Variants in PTPRB observed in about 807,000 individuals in gnomAD.
The protein encoded by PTPRB is protein tyrosine phosphatase receptor type B.
PTPRB carries 97 observed loss-of-function variants against 238.1 expected under a neutral mutation model. The observed-to-expected ratio is 0.41, with a 90% CI of 0.35 to 0.48. The LOEUF (loss-of-function observed/expected upper bound fraction) is 0.48, where lower values mean the gene tolerates loss of function less well. Among genes scored for constraint, PTPRB ranks in the 20% least tolerant of loss-of-function variants. The pLI is 0.30. For missense variants in PTPRB, 2,292 were observed against 2,681.9 expected, an observed-to-expected ratio of 0.85 and a Z score of 3.21; for synonymous variants, 970 against 995.4, an observed-to-expected ratio of 0.97 and a Z score of 0.48.
At chr12:70,547,146 T>C (rs1317742547) in intron 21 of PTPRB, among the ~76,000 whole-genome samples, 2 of 152,220 alleles carry the variant, frequency 1.3e-5, no homozygotes, top group East Asian at 3.8e-4. Context: ...TTCTGACTTA[T>C]GCCCAGATCC....
chr12:70,573,270 T>C (rs373178706), intron 11 of PTPRB, among the ~76,000 whole-genome samples: 72 of 152,256 alleles, frequency 4.7e-4, no homozygotes, highest in African/African-American at 1.5e-3. Context: ...AATAAAACTA[T>C]GCAAGATGGA....
intron 3 of PTPRB, among the ~76,000 whole-genome samples, chr12:70,619,194 A>G (rs998696407): frequency 9.6e-5 from 10 of 104,256 alleles, no homozygotes; most frequent in African/African-American, 2.3e-4. Context: ...GTGTGTGTGT[A>G]TACTCTTCTT....
At position 70,601,316 on chromosome 12, in the gene PTPRB, G is replaced by A. The variant is rs139276239; in HGVS notation, c.980-4989C>T. On this transcript the variant is annotated intron_variant, in intron 4 of 33. Transcript: ENST00000334414. ...ACGCCCCGCCTCTTCCTTATTTTCC[G>A]TCTTTCCTCCATGATTGCCAAATAA... Among the ~76,000 whole-genome samples, 17 of 151,950 alleles carry A rather than the reference G, an allele frequency of 1.1e-4. No individual in the cohort carries two copies. In the East Asian group the frequency reaches 1.6e-3, roughly 14 times the overall value.
chr12:70,587,971 C>T (rs2136448631), intron 8 of PTPRB, among the ~76,000 whole-genome samples: 1 of 151,188 alleles, frequency 6.6e-6, no homozygotes, highest in East Asian at 2.0e-4. Context: ...CGTGGTGGCT[C>T]ACATCTGTAG....
chr12:70,592,682 A>ACAAGCAC, intron 6 of PTPRB, 137 bp from the exon 7 acceptor site: 3 of 898,984 alleles, frequency 3.3e-6, no homozygotes, highest in Non-Finnish European at 5.0e-6. Flanking sequence ...AGAGGCAAAT[A>ACAAGCAC]TTATCCTCTT....
intron 17 of PTPRB, 141 bp from the exon 18 acceptor site, chr12:70,559,765 C>T: frequency 1.2e-6 from 1 of 801,424 alleles, no homozygotes; most frequent in Non-Finnish European, 1.9e-6. Context: ...GTAGCAGGAG[C>T]TTTCATTAAT....
intron 18 of PTPRB, among the ~76,000 whole-genome samples, chr12:70,556,371 A>C (rs1285227716): frequency 1.3e-5 from 2 of 152,182 alleles, no homozygotes; most frequent in East Asian, 3.9e-4. Context: ...AAGTCTGAGT[A>C]ACAGTTAAAG....
At chr12:70,564,416 G>A (rs547336004) in intron 15 of PTPRB, among the ~76,000 whole-genome samples, 1 of 152,014 alleles carries the variant, frequency 6.6e-6, no homozygotes, top group South Asian at 2.1e-4. Context: ...GCACTCGGGA[G>A]GCTGAGGCAG....
intron 11 of PTPRB, among the ~76,000 whole-genome samples, chr12:70,572,967 G>A (rs950633464): frequency 3.3e-5 from 5 of 151,952 alleles, no homozygotes; most frequent in African/African-American, 9.6e-5. Flanking sequence ...AAAACCACGT[G>A]TAGAAGAATA....
rs762221460 is a variant in PTPRB, at chr12:70,534,930, G to A, written c.6107C>T (p.Ala2036Val). ...GRVKCDHYWP[A>V]DQDSLYYGDL... Reference sequence around the variant, plus strand: ...CCCATAGTAGAGGGAATCCTGGTCCGCTGGCCAGTAATGATCACACTTTAC... The same window carrying A: ...CCCATAGTAGAGGGAATCCTGGTCCACTGGCCAGTAATGATCACACTTTAC... Residue 2036 changes from alanine to valine, a missense_variant, in exon 30 of 34, where the codon GCG (alanine) becomes GTG (valine). By Grantham distance (64) the Ala-to-Val change is moderately conservative. This residue lies in a region of PTPRB where 397 missense variants were observed against 502.0 expected (regional missense o/e 0.79). Coordinates refer to ENST00000334414, the MANE Select transcript of PTPRB (RefSeq NM_001109754.4). 4.4e-5 allele frequency: 71 copies of A among 1,613,578 alleles called. 2 individuals are homozygous for A. In the South Asian group the frequency reaches 5.8e-4, roughly 13 times the overall value.
intron 2 of PTPRB, among the ~76,000 whole-genome samples, chr12:70,627,248 C>T (rs541660409): frequency 3.9e-4 from 59 of 152,140 alleles, no homozygotes; most frequent in African/African-American, 1.4e-3. Flanking sequence ...AAGTTCAGGG[C>T]TATCAGGCTA....
chr12:70,592,227 G>C, intron 7 of PTPRB, 55 bp downstream of exon 7: 1 of 1,610,612 alleles, frequency 6.2e-7, no homozygotes, highest in Non-Finnish European at 8.5e-7. Context: ...CTATTTTAAG[G>C]TGGATCAGAG....
intron 21 of PTPRB, 93 bp downstream of exon 21, chr12:70,552,684 C>T: frequency 6.8e-7 from 1 of 1,475,392 alleles, no homozygotes; most frequent in Non-Finnish European, 9.3e-7. Context: ...GGTTATTAAT[C>T]TATGGAAGCT....
rs867287991 is a variant in PTPRB at position 70,548,364 on chromosome 12, A to T, written c.5388-3701T>A. 6.0e-3 allele frequency among the ~76,000 whole-genome samples: 912 copies of T among 150,990 alleles called. 10 individuals are homozygous for T. Among genetic ancestry groups the T allele is most frequent in the African/African-American group, 0.021 (854 of 40,740 alleles). On this transcript the variant is annotated intron_variant, in intron 21 of 33. Coordinates refer to ENST00000334414, the MANE Select transcript of PTPRB (RefSeq NM_001109754.4). Reference sequence around the variant, plus strand: ...CTCTCTCTCACACACACACACACACACACACACACACACACACACACGCCA... The same window carrying T: ...CTCTCTCTCACACACACACACACACTCACACACACACACACACACACGCCA...
chr12:70,537,241 C>T (rs185172031), intron 28 of PTPRB, among the ~76,000 whole-genome samples: 252 of 134,840 alleles, frequency 1.9e-3, no homozygotes, highest in African/African-American at 6.8e-3. Flanking sequence ...GAGCAGAGAT[C>T]GCGCCACTGC....
At chr12:70,596,015 T>C in intron 5 of PTPRB, 34 bp downstream of exon 5, 1 of 1,478,590 alleles carries the variant, frequency 6.8e-7, no homozygotes, top group Non-Finnish European at 9.1e-7. Flanking sequence ...AAGTATCCTA[T>C]TAACTACTCA....
In PTPRB at chr12:70,538,183, G is replaced by C; in HGVS notation, c.5918C>G (p.Ser1973Cys). The change falls in exon 28 of 34, where the codon TCT becomes TGT. Residue 1973 changes from serine (S) to cysteine (C), a missense_variant. Physicochemically the swap from Ser to Cys is moderately radical, Grantham distance 112. Coordinates refer to ENST00000334414, the MANE Select transcript of PTPRB (RefSeq NM_001109754.4). ...GATGTAGCTGGCATTGATGTAGTCA[G>C]AGCAAGGATCATCATCTACATTGGA... ...KLSNVDDDPC[S>C]DYINASYIPG... The C allele has an allele frequency of 6.2e-7, 1 of 1,613,838 alleles. No homozygotes were observed. The highest frequency in any genetic ancestry group is 8.5e-7 in the Non-Finnish European group (1 of 1,179,782).
intron 1 of PTPRB, among the ~76,000 whole-genome samples, chr12:70,636,600 A>G (rs1885706872): frequency 6.6e-6 from 1 of 152,200 alleles, no homozygotes; most frequent in African/African-American, 2.4e-5. Context: ...ATCAAAAAAT[A>G]AAACAAATTT....
At chr12:70,534,228 AAAGC>A (rs1253766439) in intron 31 of PTPRB, among the ~76,000 whole-genome samples, 1 of 152,146 alleles carries the variant, frequency 6.6e-6, no homozygotes, top group Non-Finnish European at 1.5e-5. Context: ...AAGTAGGAAA[AAAGC>A]AAGAGGGAGA....
Sources: gnomAD v4.1 joint callset for allele counts (sites outside exome capture counted in the v4.1 genomes callset) on GRCh38, gnomAD v4.1.1 for gene constraint, gnomAD v4.1.1 regional missense constraint, MANE v1.5 for transcripts, NCBI Gene and HGNC (gene_info 2026-07-23, HGNC 2026-07-21) for gene names.